The following REV3L variants were observed in gnomAD, a reference collection of about 807,000 sequenced individuals.
REV3L encodes REV3 like, DNA directed polymerase zeta catalytic subunit, also known as DNA polymerase zeta catalytic subunit.
A neutral mutation model predicts 299.4 loss-of-function variants in REV3L; 69 were observed. The ratio of observed to expected loss-of-function variants is 0.23; its 90% CI spans 0.19 to 0.28. The LOEUF is 0.28. Ranked by LOEUF, REV3L falls within the 10% of genes least tolerant of loss-of-function variation. The probability of loss-of-function intolerance (pLI) is 1.00; values close to 1 mark genes in which losing one functional copy is unlikely to be tolerated. For missense variants in REV3L, 3,128 were observed against 3,693.8 expected (o/e 0.85, Z 3.97); for synonymous variants, 1,238 against 1,271.4 (o/e 0.97, Z 0.56).
chr6:111,454,830 C>T (rs1789985802), intron 1 of REV3L, among the ~76,000 whole-genome samples: 1 of 152,114 alleles, frequency 6.6e-6, no homozygotes, highest in African/African-American at 2.4e-5. Flanking sequence ...CCACACCTGG[C>T]TAATTTTGTA....
chr6:111,352,579 G>A (rs961523027), intron 18 of REV3L, among the ~76,000 whole-genome samples: 1 of 152,272 alleles, frequency 6.6e-6, no homozygotes, highest in African/African-American at 2.4e-5. Flanking sequence ...AAAGAAAAAT[G>A]AGAATGCTTT....
At chr6:111,404,267 T>C (rs1182890975) in intron 4 of REV3L, among the ~76,000 whole-genome samples, 1 of 152,198 alleles carries the variant, frequency 6.6e-6, no homozygotes, top group African/African-American at 2.4e-5. Flanking sequence ...AGTATAACAG[T>C]TGCAGCATGG....
chr6:111,359,506 T>C (rs1251207737), intron 16 of REV3L, among the ~76,000 whole-genome samples: 2 of 132,160 alleles, frequency 1.5e-5, no homozygotes, highest in Non-Finnish European at 3.1e-5. Flanking sequence ...AGATTTTTAA[T>C]TATAGTTTTT....
At chr6:111,391,675 T>G (rs767728706) in intron 5 of REV3L, among the ~76,000 whole-genome samples, 1 of 152,230 alleles carries the variant, frequency 6.6e-6, no homozygotes, top group East Asian at 1.9e-4. Context: ...ATGAATGTGA[T>G]CCCAGCTTCG....
intron 31 of REV3L, among the ~76,000 whole-genome samples, chr6:111,305,930 T>TA (rs1036077388): frequency 2.2e-4 from 33 of 152,176 alleles, no homozygotes; most frequent in Non-Finnish European, 3.8e-4. Flanking sequence ...ACAAAACTGG[T>TA]AAAAAATGGC....
At chr6:111,364,410 G>C (rs905799253) in intron 15 of REV3L, among the ~76,000 whole-genome samples, 1 of 152,020 alleles carries the variant, frequency 6.6e-6, no homozygotes, top group African/African-American at 2.4e-5. Context: ...GTGTCTGAAA[G>C]ATGAATTAAA....
In REV3L at chr6:111,300,058, C is replaced by T. The variant is rs1771306234; in HGVS notation, c.9351G>A (p.Leu3117=). 6.2e-7 allele frequency: 1 copy of T among 1,613,620 alleles called. No individual in the cohort carries two copies. Among genetic ancestry groups the T allele is most frequent in the Non-Finnish European group, 8.5e-7 (1 of 1,179,752 alleles). The change falls in exon 32 of 32, where the codon TTG becomes TTA. Residue 3117 remains leucine (L), a synonymous_variant. Coordinates refer to ENST00000368802, the MANE Select transcript of REV3L (RefSeq NM_001372078.1). ...LFKLSRVNRE[L]SKAPYLRQLL... ...ACTGCCGGAGATATGGTGCCTTGGA[C>T]AATTCTCTATTTACTCGGGAGAGTT...
chr6:111,314,849 CTT>C (rs398066168), intron 27 of REV3L, among the ~76,000 whole-genome samples: 61 of 132,496 alleles, frequency 4.6e-4, no homozygotes, highest in Admixed American at 5.4e-4. Flanking sequence ...TATTTAAATA[CTT>C]TTTTTTTTTT....
At chr6:111,465,358 G>A (rs1384696565) in intron 1 of REV3L, among the ~76,000 whole-genome samples, 1 of 151,208 alleles carries the variant, frequency 6.6e-6, no homozygotes, top group Non-Finnish European at 1.5e-5. Context: ...TGTGATTACA[G>A]GCATGAGCCA....
chr6:111,417,748 G>A (rs1050655308), intron 1 of REV3L, among the ~76,000 whole-genome samples: 2 of 152,082 alleles, frequency 1.3e-5, no homozygotes, highest in Admixed American at 6.6e-5. Flanking sequence ...ACTTACGACA[G>A]AAAAATAAAT....
At chr6:111,306,663 G>A (rs1163977172) in intron 31 of REV3L, among the ~76,000 whole-genome samples, 2 of 152,050 alleles carry the variant, frequency 1.3e-5, no homozygotes, top group Non-Finnish European at 2.9e-5. Context: ...ACCTGTAAAG[G>A]TGCCTAGAAC....
chr6:111,422,603 TATATATATACAC>T (rs1785547522), intron 1 of REV3L, among the ~76,000 whole-genome samples: 2 of 20,336 alleles, frequency 9.8e-5, no homozygotes, highest in African/African-American at 3.4e-4. Flanking sequence ...TACACATATA[TATATATATACAC>T]ATATATATAT....
intron 1 of REV3L, among the ~76,000 whole-genome samples, chr6:111,438,721 A>G (rs1385585126): frequency 6.6e-6 from 1 of 152,162 alleles, no homozygotes; most frequent in Non-Finnish European, 1.5e-5. Context: ...TCTTAGGACT[A>G]TGTTTAATTA....
intron 1 of REV3L, among the ~76,000 whole-genome samples, chr6:111,437,757 A>G (rs913338244): frequency 6.6e-6 from 1 of 152,164 alleles, no homozygotes; most frequent in Non-Finnish European, 1.5e-5. Context: ...GTGTTCTAAA[A>G]TTGATTGCGC....
At chr6:111,383,578 C>T (rs1278705951) in intron 9 of REV3L, among the ~76,000 whole-genome samples, 1 of 151,992 alleles carries the variant, frequency 6.6e-6, no homozygotes, top group Non-Finnish European at 1.5e-5. Flanking sequence ...ACAATGAAAA[C>T]TATAAAACAC....
chr6:111,456,850 T>C (rs1214590709), intron 1 of REV3L, among the ~76,000 whole-genome samples: 1 of 152,134 alleles, frequency 6.6e-6, no homozygotes. Context: ...AATATTCCTT[T>C]TCACTTGACT....
In REV3L at chr6:111,375,366, T is replaced by C; in HGVS notation, c.2989A>G (p.Ile997Val). The change falls in exon 13 of 32, where the codon ATA (isoleucine) becomes GTA (valine). Residue 997 changes from isoleucine (I) to valine (V), a missense_variant. Transcript: ENST00000368802. ...RKNMLVKLGK[I>V]DSKEKQVILT... is the part of the protein sequence containing the mutation. ...ATTACTTGTTTTTCTTTAGAGTCTA[T>C]TTTTCCTAGCTTCACAAGCATATTT... is the stretch of plus-strand genomic sequence containing the variant. 1.9e-6 allele frequency: 3 copies of C among 1,590,524 alleles called. No individual in the cohort carries two copies. Among genetic ancestry groups the C allele is most frequent in the Non-Finnish European group, 2.6e-6 (3 of 1,172,866 alleles).
intron 22 of REV3L, among the ~76,000 whole-genome samples, chr6:111,335,162 G>GT (rs1775780882): frequency 1.3e-5 from 2 of 152,016 alleles, no homozygotes; most frequent in African/African-American, 4.8e-5. Context: ...AATTAAAAAT[G>GT]TAAAACAAAA....
intron 4 of REV3L, among the ~76,000 whole-genome samples, chr6:111,397,803 A>T (rs772803104): frequency 4.0e-5 from 6 of 151,740 alleles, no homozygotes; most frequent in Non-Finnish European, 7.4e-5. Context: ...CACCTGGCTG[A>T]TTTTTATCTT....
Sources: allele counts gnomAD v4.1 joint callset (sites outside exome capture counted in the v4.1 genomes callset), GRCh38; gene constraint gnomAD v4.1.1; transcripts MANE v1.5; gene names NCBI Gene and HGNC (gene_info 2026-07-23, HGNC 2026-07-21).